Variants in PDS5A observed in about 807,000 individuals in gnomAD.
PDS5A encodes the protein sister chromatid cohesion protein PDS5 homolog A.
In PDS5A, 42 loss-of-function variants were observed where a neutral mutation model predicts 167.1. That is an observed-to-expected ratio of 0.25 (90% CI 0.20 to 0.33). PDS5A has a LOEUF of 0.33. Among genes scored for constraint, PDS5A ranks in the 10% least tolerant of loss-of-function variants. The pLI is 1.00. For missense variants in PDS5A, 1,033 were observed against 1,605.9 expected (o/e 0.64, Z 6.10); for synonymous variants, 553 against 554.6 (o/e 1.00, Z 0.04).
intron 11 of PDS5A, among the ~76,000 whole-genome samples, chr4:39,905,903 A>G (rs948646640): frequency 1.3e-5 from 2 of 152,124 alleles, no homozygotes; most frequent in Admixed American, 6.5e-5. Flanking sequence ...AGAAAAATTA[A>G]TGATTCAATC....
chr4:39,955,524 C>T (rs760269989), intron 2 of PDS5A, among the ~76,000 whole-genome samples: 1 of 151,810 alleles, frequency 6.6e-6, no homozygotes, highest in African/African-American at 2.4e-5. Context: ...TGCTTGAACC[C>T]GGGGGAGCGG....
chr4:39,939,282 C>T (rs563279374), intron 2 of PDS5A, among the ~76,000 whole-genome samples: 151 of 152,050 alleles, frequency 9.9e-4, no homozygotes, highest in Non-Finnish European at 1.5e-3. Flanking sequence ...GGCAACATAA[C>T]AAGACCTCAT....
intron 16 of PDS5A, among the ~76,000 whole-genome samples, chr4:39,895,176 T>C (rs185642875): frequency 0.011 from 1,373 of 125,288 alleles, 10 homozygotes; most frequent in Non-Finnish European, 0.016. Flanking sequence ...CACTCCAGCT[T>C]GGGCGACAGT....
At chr4:39,879,704 G>C in intron 18 of PDS5A, 24 bp downstream of exon 18, 1 of 1,405,426 alleles carries the variant, frequency 7.1e-7, no homozygotes, top group Non-Finnish European at 1.0e-6. Context: ...GAAATACATG[G>C]CAACAAAACT....
At chr4:39,842,118 C>T (rs922781187) in intron 30 of PDS5A, 62 bp from the exon 31 acceptor site, 9 of 1,045,598 alleles carry the variant, frequency 8.6e-6, no homozygotes, top group Admixed American at 5.7e-5. Flanking sequence ...ACTCTCTCAC[C>T]GTACCAATAA....
Position 39,908,549 on chromosome 4 carries a change from A to T in PDS5A, c.1088-9T>A, listed in dbSNP as rs925604330. 6.0e-6 allele frequency: 9 copies of T among 1,507,744 alleles called. No individual in the cohort carries two copies. The highest frequency in any genetic ancestry group is 8.2e-6 in the Non-Finnish European group (9 of 1,100,712). The allele number at this position is 1,507,744 out of a possible 1,614,324, so 93.4% of individuals were successfully genotyped here. On this transcript the variant is annotated splice_polypyrimidine_tract_variant and intron_variant, in intron 10 of 32. Coordinates refer to ENST00000303538, the MANE Select transcript of PDS5A (RefSeq NM_001100399.2). ...TCTAACCTTTAAATATTCTGTAATA[A>T]GAGAAAAAAAACTTAGGCTAAATGT...
intron 23 of PDS5A, among the ~76,000 whole-genome samples, chr4:39,864,128 C>CAA (rs202144689): frequency 6.8e-6 from 1 of 147,076 alleles, no homozygotes; most frequent in Admixed American, 6.8e-5. Context: ...GACTCTGTCT[C>CAA]AAAAAAAACA....
At chr4:39,887,831 G>A (rs924069156) in intron 17 of PDS5A, among the ~76,000 whole-genome samples, 3 of 152,102 alleles carry the variant, frequency 2.0e-5, no homozygotes, top group African/African-American at 4.8e-5. Context: ...TGTGTCAACG[G>A]ATTAATAACC....
chr4:39,871,618 A>G (rs7675158), intron 21 of PDS5A, among the ~76,000 whole-genome samples: 3,160 of 152,336 alleles, frequency 0.021, 39 homozygotes, highest in African/African-American at 0.032. Flanking sequence ...AATGAAAGTC[A>G]TCCACAATGA....
intron 31 of PDS5A, among the ~76,000 whole-genome samples, chr4:39,840,121 C>CAA (rs113707409): frequency 2.1e-5 from 3 of 145,818 alleles, no homozygotes; most frequent in African/African-American, 7.5e-5. Context: ...CAAAACAGAA[C>CAA]AAAAAAAAAA....
intron 22 of PDS5A, among the ~76,000 whole-genome samples, chr4:39,867,435 G>A (rs980568391): frequency 6.6e-6 from 1 of 151,520 alleles, no homozygotes; most frequent in Non-Finnish European, 1.5e-5. Context: ...ACTCACGCCT[G>A]TAATCCCAGC....
chr4:39,882,856 T>C (rs1329442057), intron 17 of PDS5A, among the ~76,000 whole-genome samples: 1 of 152,140 alleles, frequency 6.6e-6, no homozygotes, highest in Non-Finnish European at 1.5e-5. Context: ...AAAAAGACGA[T>C]CTCAAGTGCC....
In PDS5A at chr4:39,892,529, C is replaced by T. The variant is rs146168408; in HGVS notation, c.1771-2165G>A. 7.1e-3 allele frequency among the ~76,000 whole-genome samples: 1,078 copies of T among 152,276 alleles called. 13 individuals are homozygous for T. The highest frequency in any genetic ancestry group is 0.024 in the African/African-American group (993 of 41,560). ...TATTCTAGAAGAAGCCATTCCTGGA[C>T]CTATTTCCACCCCTGCCTGGAATGA... On this transcript the variant is annotated intron_variant, in intron 16 of 32. Coordinates refer to ENST00000303538, the MANE Select transcript of PDS5A (RefSeq NM_001100399.2).
At chr4:39,840,382 C>T (rs535272604) in intron 31 of PDS5A, among the ~76,000 whole-genome samples, 213 of 152,286 alleles carry the variant, frequency 1.4e-3, no homozygotes, top group African/African-American at 4.9e-3. Context: ...CGCCTGTAAT[C>T]TCAGCACTTT....
At chr4:39,957,659 G>A (rs867957851) in intron 2 of PDS5A, among the ~76,000 whole-genome samples, 4 of 151,758 alleles carry the variant, frequency 2.6e-5, no homozygotes, top group South Asian at 2.1e-4. Context: ...GGTGGCGGGC[G>A]CCTGTAGTCC....
At chr4:39,916,874 GA>G (rs534076682) in intron 8 of PDS5A, among the ~76,000 whole-genome samples, 173 bp downstream of exon 8, 10 of 148,856 alleles carry the variant, frequency 6.7e-5, no homozygotes, top group Non-Finnish European at 1.0e-4. Context: ...CTCAAAAAAA[GA>G]AAAAAAAAGA....
intron 10 of PDS5A, chr4:39,908,790 G>GAGGC (rs71645198): frequency 0.22 from 86,540 of 390,000 alleles, 11,817 homozygotes; most frequent in Admixed American, 0.29. Context: ...TTGGGAGGCT[G>GAGGC]AGGCAGGCAG....
intron 2 of PDS5A, among the ~76,000 whole-genome samples, chr4:39,953,332 T>G (rs1222399273): frequency 1.3e-5 from 2 of 152,054 alleles, no homozygotes; most frequent in East Asian, 3.9e-4. Flanking sequence ...CCTAGGTTGT[T>G]GGTATGAAAT....
intron 5 of PDS5A, among the ~76,000 whole-genome samples, chr4:39,923,557 G>T (rs1485068710): frequency 6.6e-6 from 1 of 150,690 alleles, no homozygotes; most frequent in Non-Finnish European, 1.5e-5. Flanking sequence ...GATCACTGGA[G>T]CCCAGGAGGT....
Sources: gnomAD v4.1 joint callset for allele counts (sites outside exome capture counted in the v4.1 genomes callset) on GRCh38, gnomAD v4.1.1 for gene constraint, MANE v1.5 for transcripts, NCBI Gene and HGNC (gene_info 2026-07-23, HGNC 2026-07-21) for gene names.